Variants in ZNF628 observed in about 807,000 individuals in gnomAD.
ZNF628 encodes zinc finger protein Zec.
ZNF628 carries 3 observed loss-of-function variants against 2.5 expected under a neutral mutation model. The observed-to-expected ratio is 1.19, with a 90% CI of 0.54 to 3.07. ZNF628 has a LOEUF of 3.07. Ranked by LOEUF, ZNF628 falls within the 30% of genes most tolerant of loss-of-function variation. The pLI is 0.03. For synonymous variants in ZNF628, 861 were observed against 717.1 expected, an observed-to-expected ratio of 1.20 and a Z score of -3.21; for missense variants, 1,610 against 1,517.1, an observed-to-expected ratio of 1.06 and a Z score of -1.02.
In ZNF628 at chr19:55,484,250, A is replaced by G. The variant is rs7247507; in HGVS notation, c.3057A>G (p.Pro1019=). ...GCCCCGCGGGGCTCCCCGGGGCTCC[A>G]GCCTCCCAGATGGTGCAAGTGGTCC... is the stretch of plus-strand genomic sequence containing the variant. The part of the protein sequence containing the change: ...ASGPAGLPGA[P]ASQMVQVVPA... Residue 1019 remains proline, a synonymous_variant, in exon 3 of 3, where the codon CCA becomes CCG. Coordinates refer to ENST00000598519, the MANE Select transcript of ZNF628 (RefSeq NM_033113.3). 10 of 1,548,218 alleles carry G rather than the reference A, an allele frequency of 6.5e-6. No individual in the cohort carries two copies. In the Middle Eastern group the frequency reaches 5.1e-4, roughly 79 times the overall value.
chr19:55,482,240 C>T lies in ZNF628; in HGVS notation c.1047C>T (p.Ala349=), dbSNP rs926687486. ...PSPLPQPPPP[A]AAPAPGFACL... ...CTCTGCCGCAGCCCCCTCCTCCCGC[C>T]GCCGCCCCCGCGCCTGGCTTTGCCT... Residue 349 remains alanine, a synonymous_variant, in exon 3 of 3, where the codon GCC becomes GCT. Transcript: ENST00000598519. 1.2e-5 allele frequency: 17 copies of T among 1,445,548 alleles called. No individual in the cohort carries two copies. Among genetic ancestry groups the T allele is most frequent in the African/African-American group, 7.5e-5 (5 of 66,954 alleles). 89.5% of individuals were successfully genotyped at this position (1,445,548 alleles called of 1,614,324 possible).
rs781252239 is a variant in ZNF628, at chr19:55,482,852, G to GCGTCGC, written c.1661_1666dup (p.Arg554_Arg555dup). The GCGTCGC allele has an allele frequency of 1.2e-6, 2 of 1,603,306 alleles. No homozygotes were observed. Among genetic ancestry groups the GCGTCGC allele is most frequent in the African/African-American group, 2.7e-5 (2 of 74,652 alleles). ...AGGCCTTCCGCAACACGTCGTGCCT[G>GCGTCGC]CGTCGCCACCGCCACGTGCACACTG... On this transcript the variant is annotated inframe_insertion, in exon 3 of 3. Coordinates refer to ENST00000598519, the MANE Select transcript of ZNF628 (RefSeq NM_033113.3).
At position 55,484,040 on chromosome 19, in the gene ZNF628, C is replaced by T. The variant is rs750801178; in HGVS notation, c.2847C>T (p.Leu949=). 8.1e-6 allele frequency: 13 copies of T among 1,595,314 alleles called. No individual in the cohort carries two copies. Among genetic ancestry groups the T allele is most frequent in the Admixed American group, 5.2e-5 (3 of 57,644 alleles). Reference sequence around the variant, plus strand: ...GGGCCGATGGCGAACAGACTCGACTCTGCGTACAGGAGGTAGAAACACTTC... The same window carrying T: ...GGGCCGATGGCGAACAGACTCGACTTTGCGTACAGGAGGTAGAAACACTTC... The part of the protein sequence containing the change: ...LSGADGEQTR[L]CVQEVETLPP... Residue 949 remains leucine, a synonymous_variant, in exon 3 of 3, where the codon CTC becomes CTT. Coordinates refer to ENST00000598519, the MANE Select transcript of ZNF628 (RefSeq NM_033113.3).
Position 55,483,533 on chromosome 19 carries a change from G to A in ZNF628, c.2340G>A (p.Gly780=). 2 of 1,572,356 alleles carry A rather than the reference G, an allele frequency of 1.3e-6. No homozygotes were observed. Among genetic ancestry groups the A allele is most frequent in the Non-Finnish European group, 1.7e-6 (2 of 1,157,432 alleles). ...GAGVVWLPGP[G]GLGVQGAASA... is the part of the protein sequence containing the mutation. ...GAGTGGTCTGGCTGCCAGGCCCTGG[G>A]GGTCTAGGGGTGCAGGGAGCGGCCA... The change falls in exon 3 of 3, where the codon GGG becomes GGA. Residue 780 remains glycine (G), a synonymous_variant. Transcript: ENST00000598519.
rs530772643 is a variant in ZNF628 at position 55,482,918 on chromosome 19, C to T, written c.1725C>T (p.Phe575=). ...CCTGCGGTGTCTGCGGCAAGAGCTT[C>T]GCGCAGACCTCCAACCTGCGGCAGC... ...PHACGVCGKS[F]AQTSNLRQHQ... The change falls in exon 3 of 3, where the codon TTC becomes TTT. Residue 575 remains phenylalanine, a synonymous_variant. Transcript: ENST00000598519. 3.7e-6 allele frequency: 6 copies of T among 1,609,192 alleles called. No homozygotes were observed. The East Asian group carries it at 8.9e-5, about 24-fold the overall frequency.
intron 2 of ZNF628, among the ~76,000 whole-genome samples, chr19:55,480,528 C>T (rs1029464172): frequency 5.3e-5 from 8 of 152,222 alleles, no homozygotes; most frequent in Non-Finnish European, 1.2e-4. Flanking sequence ...TCAAGCAATT[C>T]TCCCGCCTCA....
chr19:55,477,391 T>G (rs552678490), intron 1 of ZNF628, among the ~76,000 whole-genome samples: 14 of 151,744 alleles, frequency 9.2e-5, no homozygotes, highest in Admixed American at 5.3e-4. Flanking sequence ...GACGGAGTCT[T>G]GCTCCGTTGC....
At chr19:55,481,165 CG>C (rs1416856128) in intron 2 of ZNF628, 35 bp from the exon 3 acceptor site, 2 of 1,485,902 alleles carry the variant, frequency 1.3e-6, no homozygotes, top group Admixed American at 2.3e-5. Context: ...TGATCCAGTG[CG>C]GGGGTGAGCC....
chr19:55,482,045 G>A lies in ZNF628; in HGVS notation c.852G>A (p.Leu284=), dbSNP rs1360859708. The part of the protein sequence containing the change: ...PPPPVVPELF[L]AAAETTVELV... ...CGCCCGTGGTGCCTGAGCTCTTTTT[G>A]GCGGCGGCGGAGACCACGGTGGAGC... is the stretch of plus-strand genomic sequence containing the variant. The change falls in exon 3 of 3, where the codon TTG becomes TTA. Residue 284 remains leucine, a synonymous_variant. Transcript: ENST00000598519. The A allele has an allele frequency of 2.2e-6, 3 of 1,374,222 alleles. No homozygotes were observed. The highest frequency in any genetic ancestry group is 2.9e-6 in the Non-Finnish European group (3 of 1,051,258). The allele number at this position is 1,374,222 out of a possible 1,614,324, so 85.1% of individuals were successfully genotyped here.
rs1482749925 is a variant in ZNF628 at position 55,483,922 on chromosome 19, G to A, written c.2729G>A (p.Gly910Glu). The A allele has an allele frequency of 1.9e-6, 3 of 1,579,060 alleles. No individual in the cohort carries two copies. The highest frequency in any genetic ancestry group is 1.2e-5 in the South Asian group (1 of 85,564). Residue 910 changes from glycine (G) to glutamate (E), a missense_variant, in exon 3 of 3, where the codon GGG (glycine) becomes GAG (glutamate). Coordinates refer to ENST00000598519, the MANE Select transcript of ZNF628 (RefSeq NM_033113.3). ...LLTGPGPGEA[G>E]DGEASTGVVQ... Reference sequence around the variant, plus strand: ...ACTGGCCCGGGCCCCGGGGAGGCGGGGGATGGCGAGGCCAGCACTGGTGTG... The same window carrying A: ...ACTGGCCCGGGCCCCGGGGAGGCGGAGGATGGCGAGGCCAGCACTGGTGTG...
rs1471574089 is a variant in ZNF628, at chr19:55,484,193, C to T, written c.3000C>T (p.Leu1000=). Residue 1000 remains leucine, a synonymous_variant, in exon 3 of 3, where the codon CTC becomes CTT. Transcript: ENST00000598519. The part of the protein sequence containing the change: ...NTGGGTATLQ[L]LAPPPSGPAS... The stretch of plus-strand genomic sequence containing the variant: ...GAGGAGGCACCGCCACGCTGCAGCT[C>T]CTGGCCCCACCGCCGTCAGGCCCAG... 1.3e-6 allele frequency: 2 copies of T among 1,548,634 alleles called. No individual in the cohort carries two copies. Among genetic ancestry groups the T allele is most frequent in the African/African-American group, 2.7e-5 (2 of 72,916 alleles).
rs937859914 is a variant in ZNF628 at position 55,481,874 on chromosome 19, C to T, written c.681C>T (p.Gly227=). 1.9e-6 allele frequency: 3 copies of T among 1,538,746 alleles called. No homozygotes were observed. Among genetic ancestry groups the T allele is most frequent in the African/African-American group, 1.4e-5 (1 of 72,678 alleles). Residue 227 remains glycine (G), a synonymous_variant, in exon 3 of 3, where the codon GGC becomes GGT. Transcript: ENST00000598519. The part of the protein sequence containing the change: ...SNLLLHQRTH[G]AAPAPGTASA... ...TGCTGCTGCACCAGCGCACGCACGG[C>T]GCCGCCCCCGCCCCGGGTACCGCCT...
rs771153925 is a variant in ZNF628 at position 55,483,513 on chromosome 19, G to A, written c.2320G>A (p.Val774Ile). 3.7e-5 allele frequency: 58 copies of A among 1,559,000 alleles called. No individual in the cohort carries two copies. In the East Asian group the frequency reaches 1.2e-3, roughly 33 times the overall value. The change falls in exon 3 of 3, where the codon GTC (valine) becomes ATC (isoleucine). Residue 774 changes from valine (V) to isoleucine (I), a missense_variant. Coordinates refer to ENST00000598519, the MANE Select transcript of ZNF628 (RefSeq NM_033113.3). ...VGKAGQGAGV[V>I]WLPGPGGLGV... ...GAAAGCGGGCCAGGGGGCGGGAGTG[G>A]TCTGGCTGCCAGGCCCTGGGGGTCT...
chr19:55,478,492 T>C (rs1459356190), intron 1 of ZNF628, among the ~76,000 whole-genome samples: 1 of 152,144 alleles, frequency 6.6e-6, no homozygotes, highest in African/African-American at 2.4e-5. Context: ...CCAGTGAGGA[T>C]AGCAGTAGGA....
Position 55,479,266 on chromosome 19 carries a change from T to C in ZNF628, c.-77-568T>C, listed in dbSNP as rs1039103708. ...ACGGACCCAGTGACAAGTGGGCCAT[T>C]GCGGGCCACGCGCCGCCCAGGCCAT... is the stretch of plus-strand genomic sequence containing the variant. On this transcript the variant is annotated intron_variant, in intron 1 of 2. Transcript: ENST00000598519. The surrounding 1 kb of genome is among the most constrained non-coding windows in gnomAD (Gnocchi z 5.1). Among the ~76,000 whole-genome samples the C allele has an allele frequency of 1.3e-5, 2 of 151,962 alleles. No individual in the cohort carries two copies. The highest frequency in any genetic ancestry group is 2.9e-5 in the Non-Finnish European group (2 of 67,984).
Position 55,484,361 on chromosome 19 carries a change from G to A in ZNF628, c.3168G>A (p.Val1056=). The change falls in exon 3 of 3, where the codon GTG becomes GTA. Residue 1056 remains valine, a synonymous_variant. Coordinates refer to ENST00000598519, the MANE Select transcript of ZNF628 (RefSeq NM_033113.3). The part of the protein sequence containing the change: ...IVQTLPAVQL[V]HTF ...AGACTCTACCCGCAGTCCAGCTGGT[G>A]CACACGTTTTGAGGAGAGGCAGTGA... 6.9e-7 allele frequency: 1 copy of A among 1,452,264 alleles called. No individual in the cohort carries two copies. Among genetic ancestry groups the A allele is most frequent in the South Asian group, 1.4e-5 (1 of 69,098 alleles). 90.0% of individuals were successfully genotyped at this position (1,452,264 alleles called of 1,614,324 possible). A position where few individuals can be genotyped will look rare whatever the true frequency, so the allele number is the denominator to read the frequency against.
In ZNF628 at chr19:55,481,954, C is replaced by T; in HGVS notation, c.761C>T (p.Ala254Val). ...REPGKVFVCD[A>V]YLQRHLQPHS... is the part of the protein sequence containing the mutation. Reference sequence around the variant, plus strand: ...CCCGGCAAGGTCTTCGTGTGCGACGCCTACCTGCAGCGGCACCTCCAGCCC... The same window carrying T: ...CCCGGCAAGGTCTTCGTGTGCGACGTCTACCTGCAGCGGCACCTCCAGCCC... Residue 254 changes from alanine to valine, a missense_variant, in exon 3 of 3, where the codon GCC becomes GTC. Coordinates refer to ENST00000598519, the MANE Select transcript of ZNF628 (RefSeq NM_033113.3). 2 of 1,470,072 alleles carry T rather than the reference C, an allele frequency of 1.4e-6. No homozygotes were observed. Among genetic ancestry groups the T allele is most frequent in the Non-Finnish European group, 1.8e-6 (2 of 1,117,756 alleles). 91.1% of individuals were successfully genotyped at this position (1,470,072 alleles called of 1,614,324 possible). A position where few individuals can be genotyped will look rare whatever the true frequency, so the allele number is the denominator to read the frequency against.
At position 55,481,200 on chromosome 19, in the gene ZNF628, G is replaced by A. The variant is rs1432160077; in HGVS notation, c.8-1G>A. On this transcript the variant is annotated splice_acceptor_variant, in intron 2 of 2. Transcript: ENST00000598519. LOFTEE classifies it high-confidence loss of function. Reference sequence around the variant, plus strand: ...CCGCTGACCCAGAATCCCTCCCCCAGGTGTGATGGTCGGCTCCCACGCGGA... The same window carrying A: ...CCGCTGACCCAGAATCCCTCCCCCAAGTGTGATGGTCGGCTCCCACGCGGA... 1.3e-6 allele frequency: 2 copies of A among 1,535,746 alleles called. No individual in the cohort carries two copies. Among genetic ancestry groups the A allele is most frequent in the Non-Finnish European group, 1.7e-6 (2 of 1,144,156 alleles).
Position 55,484,401 on chromosome 19 carries a change from C to T in ZNF628, c.*28C>T, listed in dbSNP as rs1291791385. ...AGAGGCAGTGATTCCCCTCCCGCCCCGCACAGAGACCCCGACTCACTGCCA... is the reference window on the plus strand; with the variant it reads ...AGAGGCAGTGATTCCCCTCCCGCCCTGCACAGAGACCCCGACTCACTGCCA... On this transcript the variant is annotated 3_prime_UTR_variant, in exon 3 of 3. Coordinates refer to ENST00000598519, the MANE Select transcript of ZNF628 (RefSeq NM_033113.3). 7.7e-6 allele frequency: 11 copies of T among 1,429,964 alleles called. No homozygotes were observed. The highest frequency in any genetic ancestry group is 3.0e-5 in the South Asian group (2 of 66,098). 88.6% of individuals were successfully genotyped at this position (1,429,964 alleles called of 1,614,324 possible). A position where few individuals can be genotyped will look rare whatever the true frequency, so the allele number is the denominator to read the frequency against.
Sources: allele counts gnomAD v4.1 joint callset (sites outside exome capture counted in the v4.1 genomes callset), GRCh38; gene constraint gnomAD v4.1.1; non-coding constraint Gnocchi (gnomAD v3.1); transcripts MANE v1.5; gene names NCBI Gene and HGNC (gene_info 2026-07-23, HGNC 2026-07-21).